The following PCDH15 variants were observed in gnomAD, a reference collection of about 807,000 sequenced individuals.
PCDH15 encodes protocadherin related 15, also known as protocadherin-15.
PCDH15 carries 129 observed loss-of-function variants against 178.5 expected under a neutral mutation model. The ratio of observed to expected loss-of-function variants is 0.72; its 90% CI spans 0.63 to 0.84. The LOEUF (loss-of-function observed/expected upper bound fraction) is 0.84, where lower values mean the gene tolerates loss of function less well. Ranked by LOEUF, PCDH15 falls within the 40% of genes least tolerant of loss-of-function variation. The pLI, the probability that PCDH15 is intolerant of heterozygous loss-of-function variation, is 0.00. For synonymous variants in PCDH15, 800 were observed against 732.0 expected (o/e 1.09, Z -1.50); for missense variants, 2,230 against 2,099.9 (o/e 1.06, Z -1.21).
At chr10:54,010,177 C>T (rs527347865) in intron 20 of PCDH15, among the ~76,000 whole-genome samples, 2 of 151,956 alleles carry the variant, frequency 1.3e-5, no homozygotes, top group Non-Finnish European at 2.9e-5. Context: ...CCTGTTTTTG[C>T]TCTTAGGCTT....
At chr10:55,003,872 C>A (rs918095958) in intron 2 of PCDH15, among the ~76,000 whole-genome samples, 1 of 152,206 alleles carries the variant, frequency 6.6e-6, no homozygotes, top group Non-Finnish European at 1.5e-5. Flanking sequence ...GGTCCAGGAA[C>A]CTCAAGTATC....
In PCDH15 at chr10:55,410,691, T is replaced by C. The variant is rs181545994; in HGVS notation, c.-156+216934A>G. On this transcript the variant is annotated intron_variant, in intron 2 of 5. Transcript: ENST00000613346. ...ACAATGGCTGGATCAGTGGCTATTA[T>C]TGGAAAGCAGGCCTGCCAGCTTTGC... is the stretch of plus-strand genomic sequence containing the variant. 2.6e-3 allele frequency among the ~76,000 whole-genome samples: 398 copies of C among 152,224 alleles called. 1 individual carries two copies. Among genetic ancestry groups the C allele is most frequent in the African/African-American group, 9.0e-3 (373 of 41,534 alleles).
intron 2 of PCDH15, among the ~76,000 whole-genome samples, chr10:54,662,240 A>G (rs114096383): frequency 1.5e-3 from 235 of 152,046 alleles, no homozygotes; most frequent in African/African-American, 5.3e-3. Context: ...GTGAGGAAAG[A>G]ATGTAAACAG....
intron 14 of PCDH15, 62 bp from the exon 15 acceptor site, chr10:54,133,069 G>A (rs2042581393): frequency 6.2e-7 from 1 of 1,605,902 alleles, no homozygotes; most frequent in African/African-American, 1.3e-5. Flanking sequence ...ATGTTAGACT[G>A]CATTGTTTAT....
At chr10:55,275,328 T>C (rs1236302613) in intron 1 of PCDH15, among the ~76,000 whole-genome samples, 1 of 151,738 alleles carries the variant, frequency 6.6e-6, no homozygotes, top group Non-Finnish European at 1.5e-5. Context: ...AGTTCCTAAA[T>C]TTACTGCTGT....
intron 2 of PCDH15, among the ~76,000 whole-genome samples, chr10:54,629,327 A>G (rs571920479): frequency 6.6e-6 from 1 of 152,310 alleles, no homozygotes; most frequent in African/African-American, 2.4e-5. Context: ...GTAATAACCC[A>G]GAATTCAAGA....
intron 3 of PCDH15, among the ~76,000 whole-genome samples, chr10:54,870,598 A>C (rs1266870016): frequency 6.6e-6 from 1 of 152,024 alleles, no homozygotes; most frequent in African/African-American, 2.4e-5. Context: ...ATCCTGGCTA[A>C]CACGGTGAAA....
rs189618018 is a variant in PCDH15, at chr10:54,396,112, G to C, written c.158-17170C>G. 3.3e-5 allele frequency among the ~76,000 whole-genome samples: 5 copies of C among 152,220 alleles called. No individual in the cohort carries two copies. The East Asian group carries it at 9.7e-4, about 29-fold the overall frequency. Reference sequence around the variant, plus strand: ...AAATATCCCCCTTCCCCTCTAAACCGGGGAGGACAAATGTTATCCACTGAA... The same window carrying C: ...AAATATCCCCCTTCCCCTCTAAACCCGGGAGGACAAATGTTATCCACTGAA... On this transcript the variant is annotated intron_variant, in intron 3 of 37. Transcript: ENST00000644397.
At chr10:54,542,184 G>A (rs2085315188) in intron 2 of PCDH15, among the ~76,000 whole-genome samples, 1 of 152,096 alleles carries the variant, frequency 6.6e-6, no homozygotes, top group South Asian at 2.1e-4. Context: ...AGTAATATAG[G>A]CTTATATTTC....
At chr10:54,707,210 A>G (rs2095373916) in intron 1 of PCDH15, among the ~76,000 whole-genome samples, 1 of 152,158 alleles carries the variant, frequency 6.6e-6, no homozygotes, top group Non-Finnish European at 1.5e-5. Flanking sequence ...AAGAAGGGTC[A>G]GAGAAATTAA....
chr10:54,776,597 T>C (rs1230253327), intron 1 of PCDH15, among the ~76,000 whole-genome samples: 1 of 152,174 alleles, frequency 6.6e-6, no homozygotes, highest in African/African-American at 2.4e-5. Flanking sequence ...CATATTTAAG[T>C]GGAGGCCATT....
At chr10:54,262,953 C>CAAG (rs879539105) in intron 8 of PCDH15, among the ~76,000 whole-genome samples, 5,016 of 152,130 alleles carry the variant, frequency 0.033, 209 homozygotes, top group African/African-American at 0.095. Context: ...ACCATGGTTG[C>CAAG]CAGCTGGGCT....
intron 8 of PCDH15, among the ~76,000 whole-genome samples, chr10:54,261,783 A>C (rs2057334851): frequency 6.6e-6 from 1 of 152,192 alleles, no homozygotes; most frequent in South Asian, 2.1e-4. Flanking sequence ...AATAGGCACC[A>C]AAAAAGATTT....
At chr10:55,563,182 A>AGGT (rs1361990416) in intron 2 of PCDH15, among the ~76,000 whole-genome samples, 1 of 151,904 alleles carries the variant, frequency 6.6e-6, no homozygotes, top group Non-Finnish European at 1.5e-5. Flanking sequence ...AGAGACAAAA[A>AGGT]GGTGGTAGCC....
intron 18 of PCDH15, among the ~76,000 whole-genome samples, chr10:54,045,769 C>T (rs2093642726): frequency 6.6e-6 from 1 of 152,004 alleles, no homozygotes; most frequent in South Asian, 2.1e-4. Flanking sequence ...TCCTTCATGA[C>T]CTGAGGAAGT....
At chr10:55,362,936 A>G (rs538415026) in intron 2 of PCDH15, among the ~76,000 whole-genome samples, 1 of 152,150 alleles carries the variant, frequency 6.6e-6, no homozygotes, top group African/African-American at 2.4e-5. Context: ...CATAAAATAC[A>G]CTAATGATAC....
chr10:54,629,448 A>C (rs1389423619), intron 2 of PCDH15, among the ~76,000 whole-genome samples: 1 of 152,176 alleles, frequency 6.6e-6, no homozygotes, highest in African/African-American at 2.4e-5. Context: ...AACATACGCA[A>C]ATCAATAAAT....
chr10:53,913,307 CTT>C (rs1564752306), intron 25 of PCDH15, among the ~76,000 whole-genome samples: 1 of 152,170 alleles, frequency 6.6e-6, no homozygotes, highest in Admixed American at 6.5e-5. Context: ...GGATTAAAGA[CTT>C]AAATGTTAGA....
At chr10:55,303,065 TAAGAA>T (rs1187805097) in intron 1 of PCDH15, among the ~76,000 whole-genome samples, 2 of 146,878 alleles carry the variant, frequency 1.4e-5, no homozygotes, top group Admixed American at 7.0e-5. Context: ...GGTTATAAGA[TAAGAA>T]AACAAAGATA....
Sources: allele counts gnomAD v4.1 joint callset (sites outside exome capture counted in the v4.1 genomes callset), GRCh38; gene constraint gnomAD v4.1.1; transcripts MANE v1.5; gene names NCBI Gene and HGNC (gene_info 2026-07-23, HGNC 2026-07-21).